Variants in PLEKHG5 observed in about 807,000 individuals in gnomAD.
PLEKHG5 encodes the protein pleckstrin homology and RhoGEF domain containing G5.
In PLEKHG5, 52 loss-of-function variants were observed where a neutral mutation model predicts 103.8. The ratio of observed to expected loss-of-function variants is 0.50; its 90% CI spans 0.40 to 0.63. The LOEUF (loss-of-function observed/expected upper bound fraction) is 0.63, where lower values mean the gene tolerates loss of function less well. Ranked by LOEUF, PLEKHG5 falls within the 30% of genes least tolerant of loss-of-function variation. PLEKHG5 has a pLI of 0.00. For synonymous variants in PLEKHG5, 592 were observed against 575.5 expected (o/e 1.03, Z -0.41); for missense variants, 1,205 against 1,347.6 (o/e 0.89, Z 1.66).
upstream of PLEKHG5, chr1:6,496,936 TC>T: frequency 6.6e-7 from 1 of 1,509,394 alleles, no homozygotes; most frequent in Non-Finnish European, 8.8e-7. Flanking sequence ...GGCTCCAAGA[TC>T]CCAGATCCCT....
At chr1:6,496,987 G>A, upstream of PLEKHG5, 5 of 1,528,666 alleles carry the variant, frequency 3.3e-6, no homozygotes, top group Non-Finnish European at 4.4e-6. Context: ...TAGAGACAGA[G>A]GAGCCCCCGA....
At chr1:6,494,020 C>T (rs1170053044), upstream of PLEKHG5, among the ~76,000 whole-genome samples, 1 of 151,846 alleles carries the variant, frequency 6.6e-6, no homozygotes, top group Non-Finnish European at 1.5e-5. Context: ...GGCACAATCA[C>T]GGCTCACTGC....
Position 6,470,216 on chromosome 1 carries a change from TG to T in PLEKHG5, c.1800+19del. Reference sequence around the variant, plus strand: ...CCCTAGGAAGGGCAGGGCACAGGGGTGGGGTGGCCCTGGAATCACCTTGCTG... The same window carrying T: ...CCCTAGGAAGGGCAGGGCACAGGGGTGGGTGGCCCTGGAATCACCTTGCTG... On this transcript the variant is annotated intron_variant, in intron 16 of 20. Coordinates refer to ENST00000377728, the MANE Select transcript of PLEKHG5 (RefSeq NM_020631.6). The T allele has an allele frequency of 6.2e-7, 1 of 1,612,948 alleles. No homozygotes were observed. Among genetic ancestry groups the T allele is most frequent in the Non-Finnish European group, 8.5e-7 (1 of 1,179,548 alleles).
chr1:6,482,571 G>A (rs1019738104), intron 1 of PLEKHG5, among the ~76,000 whole-genome samples: 2 of 152,190 alleles, frequency 1.3e-5, no homozygotes, highest in African/African-American at 4.8e-5. Flanking sequence ...GGCTGTTATT[G>A]TCCCTGTTTC....
chr1:6,503,142 G>A (rs1645314570), intron 1 of PLEKHG5, among the ~76,000 whole-genome samples: 1 of 152,208 alleles, frequency 6.6e-6, no homozygotes, highest in Non-Finnish European at 1.5e-5. Flanking sequence ...GCTGGACATG[G>A]TGGCTTATAC....
chr1:6,514,754 C>G (rs1467170123), intron 1 of PLEKHG5, among the ~76,000 whole-genome samples: 1 of 150,720 alleles, frequency 6.6e-6, no homozygotes, highest in Non-Finnish European at 1.5e-5. Context: ...GAGCAAGACT[C>G]CATCTTGAAG....
At chr1:6,515,631 G>T (rs772112646) in intron 1 of PLEKHG5, among the ~76,000 whole-genome samples, 36 of 151,706 alleles carry the variant, frequency 2.4e-4, no homozygotes, top group South Asian at 2.1e-4. Flanking sequence ...GTTGAAACCA[G>T]CCTGGACAAC....
upstream of PLEKHG5, chr1:6,491,670 G>A: frequency 1.0e-6 from 1 of 985,520 alleles, no homozygotes; most frequent in Non-Finnish European, 1.2e-6. The surrounding 1 kb of genome is among the most constrained non-coding windows in gnomAD (Gnocchi z 4.1). Context: ...GGGGCCTCAG[G>A]TCCACCCTTT....
At chr1:6,483,943 T>A (rs1644961876) in intron 1 of PLEKHG5, among the ~76,000 whole-genome samples, 2 of 152,142 alleles carry the variant, frequency 1.3e-5, no homozygotes, top group South Asian at 4.1e-4. Flanking sequence ...CTCCAATCCC[T>A]TCCAGGCCTC....
Position 6,473,272 on chromosome 1 carries a change from G to T in PLEKHG5, c.774C>A (p.Pro258=), listed in dbSNP as rs1246026775. The part of the protein sequence containing the change: ...SRFSGFFSSG[P]STSAFGREVD... ...ATACCCGGCCAAAGGCGCTGGTGCT[G>T]GGGCCGGAGCTGAAAAAGCCGCTGA... Residue 258 remains proline (P), a synonymous_variant, in exon 8 of 21, where the codon CCC becomes CCA. Coordinates refer to ENST00000377728, the MANE Select transcript of PLEKHG5 (RefSeq NM_020631.6). 1 of 1,607,138 alleles carries T rather than the reference G, an allele frequency of 6.2e-7. No homozygotes were observed. Among genetic ancestry groups the T allele is most frequent in the Non-Finnish European group, 8.5e-7 (1 of 1,177,290 alleles).
At chr1:6,485,978 C>A (rs570770756) in intron 1 of PLEKHG5, 61 of 566,184 alleles carry the variant, frequency 1.1e-4, no homozygotes, top group Admixed American at 2.4e-4. Context: ...GCTGGTGACA[C>A]CCCCCCCCAC....
chr1:6,492,599 G>A (rs958294281), upstream of PLEKHG5, among the ~76,000 whole-genome samples: 8 of 152,060 alleles, frequency 5.3e-5, no homozygotes, highest in African/African-American at 1.9e-4. Context: ...CCACTCCCAG[G>A]ACACCTTGCA....
chr1:6,515,644 A>C (rs1169863798), intron 1 of PLEKHG5, among the ~76,000 whole-genome samples: 1 of 152,094 alleles, frequency 6.6e-6, no homozygotes, highest in African/African-American at 2.4e-5. Context: ...TGGACAACAG[A>C]GCAAGACTCT....
At chr1:6,473,577 G>A (rs890620062) in intron 7 of PLEKHG5, 123 bp from the exon 8 acceptor site, 17 of 732,440 alleles carry the variant, frequency 2.3e-5, no homozygotes, top group Non-Finnish European at 3.7e-5. Flanking sequence ...TCTCTACCCT[G>A]GGGTGTCCCC....
upstream of PLEKHG5, among the ~76,000 whole-genome samples, chr1:6,494,862 T>A (rs769709892): frequency 6.6e-6 from 1 of 152,214 alleles, no homozygotes; most frequent in Non-Finnish European, 1.5e-5. Context: ...GCACGCTGGG[T>A]GACCCTCATC....
chr1:6,500,136 A>G (rs1645279322), upstream of PLEKHG5, among the ~76,000 whole-genome samples: 1 of 152,128 alleles, frequency 6.6e-6, no homozygotes, highest in Non-Finnish European at 1.5e-5. Context: ...TCCTGAGACT[A>G]TGAATTGAGA....
rs1411474454 is a variant in PLEKHG5 at position 6,467,991 on chromosome 1, G to C, written c.2845C>G (p.Pro949Ala). The C allele has an allele frequency of 8.4e-6, 13 of 1,554,854 alleles. No homozygotes were observed. Among genetic ancestry groups the C allele is most frequent in the South Asian group, 1.2e-5 (1 of 85,388 alleles). The change falls in exon 20 of 21, where the codon CCT becomes GCT. Residue 949 changes from proline to alanine, a missense_variant. Coordinates refer to ENST00000377728, the MANE Select transcript of PLEKHG5 (RefSeq NM_020631.6). Reference sequence around the variant, plus strand: ...CACCTCTTCCTGTGGGAGCCTGCAGGTTCCCCGGCCAGGCAGCCGACTAGC... The same window carrying C: ...CACCTCTTCCTGTGGGAGCCTGCAGCTTCCCCGGCCAGGCAGCCGACTAGC... The part of the protein sequence containing the change: ...PGLVGCLAGE[P>A]AGSHRKRCGD...
At position 6,470,551 on chromosome 1, in the gene PLEKHG5, G is replaced by A. The variant is rs1569851488; in HGVS notation, c.1635C>T (p.Ile545=). Residue 545 remains isoleucine, a synonymous_variant, in exon 15 of 21, where the codon ATC becomes ATT. Coordinates refer to ENST00000377728, the MANE Select transcript of PLEKHG5 (RefSeq NM_020631.6). ...TGCTTTCCACCACCTCGTAGGCGTC[G>A]ATGCGGCTCACCACGGCCGCCAGCC... The part of the protein sequence containing the change: ...RQRLAAVVSR[I]DAYEVVESSS... 3 of 1,604,226 alleles carry A rather than the reference G, an allele frequency of 1.9e-6. No individual in the cohort carries two copies. The highest frequency in any genetic ancestry group is 2.5e-6 in the Non-Finnish European group (3 of 1,179,358).
At chr1:6,477,482 GAC>G in intron 2 of PLEKHG5, 45 bp downstream of exon 2, 7 of 1,599,932 alleles carry the variant, frequency 4.4e-6, no homozygotes, top group Non-Finnish European at 6.0e-6. Context: ...CTGAAACACT[GAC>G]ACAGGAGCTC....
Sources: gnomAD v4.1 joint callset for allele counts (sites outside exome capture counted in the v4.1 genomes callset) on GRCh38, gnomAD v4.1.1 for gene constraint, Gnocchi (gnomAD v3.1) non-coding constraint, MANE v1.5 for transcripts, NCBI Gene and HGNC (gene_info 2026-07-23, HGNC 2026-07-21) for gene names.